MBOAT2: variants seen among roughly 807,000 people sequenced by gnomAD.
The protein encoded by MBOAT2 is membrane-bound glycerophospholipid O-acyltransferase 2.
Under a neutral mutation model 63.4 loss-of-function variants are expected in MBOAT2, and 28 were observed. That is an observed-to-expected ratio of 0.44 (90% confidence interval 0.33 to 0.61). The LOEUF is 0.61. Among genes scored for constraint, MBOAT2 ranks in the 20% least tolerant of loss-of-function variants. MBOAT2 has a pLI of 0.03. For synonymous variants in MBOAT2, 211 were observed against 215.6 expected, an observed-to-expected ratio of 0.98 and a Z score of 0.19; for missense variants, 470 against 605.8, an observed-to-expected ratio of 0.78 and a Z score of 2.35.
At chr2:8,993,635 C>A (rs749871781) in intron 1 of MBOAT2, among the ~76,000 whole-genome samples, 32 of 152,180 alleles carry the variant, frequency 2.1e-4, no homozygotes, top group Non-Finnish European at 3.1e-4. Flanking sequence ...ACCCACTAGA[C>A]CGCATCCCTC....
At chr2:8,866,070 A>C (rs892304481) in intron 9 of MBOAT2, among the ~76,000 whole-genome samples, 1 of 151,880 alleles carries the variant, frequency 6.6e-6, no homozygotes, top group Non-Finnish European at 1.5e-5. Flanking sequence ...TAAAACCATA[A>C]ATGATAAAGG....
intron 12 of MBOAT2, 75 bp downstream of exon 12, chr2:8,860,538 T>C: frequency 6.9e-7 from 1 of 1,445,830 alleles, no homozygotes; most frequent in South Asian, 1.2e-5. Context: ...GTTTTTCTAT[T>C]CTATCCAATA....
chr2:8,954,604 G>A (rs1326362788), intron 2 of MBOAT2, among the ~76,000 whole-genome samples: 1 of 152,160 alleles, frequency 6.6e-6, no homozygotes, highest in Non-Finnish European at 1.5e-5. Flanking sequence ...TAATCTAGAA[G>A]AGTTGCCATT....
chr2:8,913,133 A>G (rs769230128), intron 3 of MBOAT2, among the ~76,000 whole-genome samples: 19 of 152,210 alleles, frequency 1.2e-4, no homozygotes, highest in Non-Finnish European at 2.1e-4. Context: ...GGCTAGCCAC[A>G]TGTAGGAGAA....
chr2:8,907,645 C>T (rs1035659404), intron 4 of MBOAT2, among the ~76,000 whole-genome samples: 1 of 152,200 alleles, frequency 6.6e-6, no homozygotes, highest in Non-Finnish European at 1.5e-5. Flanking sequence ...CACTCAATAG[C>T]TTCGATTAAC....
In MBOAT2 at chr2:8,855,601, T is replaced by A. The variant is rs1161282945; in HGVS notation, c.*3078A>T. On this transcript the variant is annotated 3_prime_UTR_variant, in exon 13 of 13. Transcript: ENST00000305997. The stretch of plus-strand genomic sequence containing the variant: ...TTTGAAGCCAAATAAATCTTCTCTA[T>A]CCTGCCGGATATTTTAGAAGCTAAA... 6.6e-6 allele frequency: 1 copy of A among 152,220 alleles called. No individual in the cohort carries two copies. Among genetic ancestry groups the A allele is most frequent in the Non-Finnish European group, 1.5e-5 (1 of 68,046 alleles). 9.4% of individuals were successfully genotyped at this position (152,220 alleles called of 1,614,324 possible).
chr2:8,974,562 C>T (rs554889097), intron 1 of MBOAT2: 6 of 365,200 alleles, frequency 1.6e-5, no homozygotes, highest in Admixed American at 6.2e-5. Flanking sequence ...AGGTAACAGA[C>T]GTCTCCAGCG....
rs1672848547 is a variant in MBOAT2, at chr2:9,003,352, C to T, written c.75+188G>A. 6.6e-6 allele frequency among the ~76,000 whole-genome samples: 1 copy of T among 152,032 alleles called. No homozygotes were observed. The highest frequency in any genetic ancestry group is 1.5e-5 in the Non-Finnish European group (1 of 67,956). ...CGGGGATGGCGGGCTGGGGGCGCAC[C>T]CAGGAGGGAGGGGGCTCTGGGACAA... On this transcript the variant is annotated intron_variant, in intron 1 of 12. Coordinates refer to ENST00000305997, the MANE Select transcript of MBOAT2 (RefSeq NM_138799.4). The surrounding 1 kb of genome is among the most constrained non-coding windows in gnomAD (Gnocchi z 5.4).
intron 6 of MBOAT2, among the ~76,000 whole-genome samples, 165 bp from the exon 7 acceptor site, chr2:8,877,378 C>T (rs1396871595): frequency 1.3e-5 from 2 of 152,214 alleles, no homozygotes; most frequent in African/African-American, 4.8e-5. Flanking sequence ...TAGTCATGCT[C>T]AAAAGTATGT....
intron 4 of MBOAT2, among the ~76,000 whole-genome samples, chr2:8,891,860 C>T (rs768231427): frequency 5.9e-5 from 9 of 152,022 alleles, no homozygotes; most frequent in Non-Finnish European, 1.3e-4. Flanking sequence ...GTGGTATTAC[C>T]GAAATTTCCT....
intron 3 of MBOAT2, among the ~76,000 whole-genome samples, chr2:8,912,363 AAGAAAGAAAG>A (rs1342842462): frequency 1.0e-5 from 1 of 96,016 alleles, no homozygotes; most frequent in African/African-American, 4.3e-5. Context: ...GAAAGAAAGA[AAGAAAGAAAG>A]AGAAAGAAAG....
intron 1 of MBOAT2, among the ~76,000 whole-genome samples, chr2:9,000,759 T>C (rs990033641): frequency 6.6e-6 from 1 of 152,242 alleles, no homozygotes; most frequent in African/African-American, 2.4e-5. Flanking sequence ...TACACCACTG[T>C]AGACTTCATA....
chr2:8,928,296 G>T (rs990793131), intron 3 of MBOAT2, among the ~76,000 whole-genome samples: 1 of 152,314 alleles, frequency 6.6e-6, no homozygotes, highest in Admixed American at 6.5e-5. Context: ...TCCAGGAGCT[G>T]CAGATTTCAG....
At chr2:8,921,211 T>A (rs1271661902) in intron 3 of MBOAT2, among the ~76,000 whole-genome samples, 2 of 152,184 alleles carry the variant, frequency 1.3e-5, no homozygotes, top group Non-Finnish European at 2.9e-5. Flanking sequence ...CTATTTTAAT[T>A]CCTCTGTTGA....
Position 8,932,833 on chromosome 2 carries a change from CTCTT to C in MBOAT2, c.299+10350_299+10353del, listed in dbSNP as rs567693581. Among the ~76,000 whole-genome samples the C allele has an allele frequency of 8.6e-4, 130 of 151,980 alleles. 1 individual carries two copies. The highest frequency in any genetic ancestry group is 3.0e-3 in the African/African-American group (124 of 41,486). ...AAATTCCAAAGTCAAAGGCCAAAGGCTCTTTCTATTAAACCATACTCTTTCTAAC... is the reference window on the plus strand; with the variant it reads ...AAATTCCAAAGTCAAAGGCCAAAGGCTCTATTAAACCATACTCTTTCTAAC... On this transcript the variant is annotated intron_variant, in intron 3 of 12. Coordinates refer to ENST00000305997, the MANE Select transcript of MBOAT2 (RefSeq NM_138799.4).
At position 8,980,692 on chromosome 2, in the gene MBOAT2, C is replaced by T. The variant is rs112733663; in HGVS notation, c.76-22050G>A. Reference sequence around the variant, plus strand: ...ATACCACTTCACATCCACCAAGATGCCTACAATCAAAAAGATCGTTAAGTG... The same window carrying T: ...ATACCACTTCACATCCACCAAGATGTCTACAATCAAAAAGATCGTTAAGTG... On this transcript the variant is annotated intron_variant, in intron 1 of 12. Transcript: ENST00000305997. Among the ~76,000 whole-genome samples the T allele has an allele frequency of 2.1e-4, 32 of 152,240 alleles. No homozygotes were observed. The East Asian group carries it at 3.7e-3, about 17-fold the overall frequency.
Position 8,943,077 on chromosome 2 carries a change from A to C in MBOAT2, c.299+110T>G, listed in dbSNP as rs958256004. On this transcript the variant is annotated intron_variant, in intron 3 of 12. Transcript: ENST00000305997. The stretch of plus-strand genomic sequence containing the variant: ...TGTATTTATGACAATTCTTCTTTAA[A>C]AAATTATCACAATTCATAATTACTT... 3 of 621,234 alleles carry C rather than the reference A, an allele frequency of 4.8e-6. No homozygotes were observed. The Admixed American group carries it at 1.1e-4, about 23-fold the overall frequency. The allele number at this position is 621,234 out of a possible 1,614,324, so 38.5% of individuals were successfully genotyped here.
rs569928447 is a variant in MBOAT2 at position 8,929,913 on chromosome 2, G to C, written c.299+13274C>G. ...TAAAATATTCCTAACATCTGAATTT[G>C]TGCATGTGTTTTCTTCCCCAAGAAA... On this transcript the variant is annotated intron_variant, in intron 3 of 12. Transcript: ENST00000305997. Among the ~76,000 whole-genome samples, 15 of 152,222 alleles carry C rather than the reference G, an allele frequency of 9.9e-5. No individual in the cohort carries two copies. In the South Asian group the frequency reaches 3.1e-3, roughly 32 times the overall value.
At chr2:8,970,066 C>T (rs1558668409) in intron 1 of MBOAT2, among the ~76,000 whole-genome samples, 1 of 152,332 alleles carries the variant, frequency 6.6e-6, no homozygotes, top group South Asian at 2.1e-4. Context: ...AAAGAATATA[C>T]ATTCTTCTCA....
Sources: gnomAD v4.1 joint callset for allele counts (sites outside exome capture counted in the v4.1 genomes callset) on GRCh38, gnomAD v4.1.1 for gene constraint, Gnocchi (gnomAD v3.1) non-coding constraint, MANE v1.5 for transcripts, NCBI Gene and HGNC (gene_info 2026-07-23, HGNC 2026-07-21) for gene names.